The following RAB38 variants were observed in gnomAD, a reference collection of about 807,000 sequenced individuals.
RAB38 encodes the protein ras-related protein Rab-38.
Under a neutral mutation model 18.4 loss-of-function variants are expected in RAB38, and 15 were observed. That is an observed-to-expected ratio of 0.82 (90% CI 0.55 to 1.26). The LOEUF (loss-of-function observed/expected upper bound fraction) is 1.26. RAB38 is among the 50% of genes most tolerant of loss of function. The pLI is 0.00. For missense variants in RAB38, 294 were observed against 267.4 expected, an observed-to-expected ratio of 1.10 and a Z score of -0.69; for synonymous variants, 101 against 104.4, an observed-to-expected ratio of 0.97 and a Z score of 0.20.
chr11:88,041,618 A>T, the RAB38 span, among the ~76,000 whole-genome samples: 1 of 152,226 alleles, frequency 6.6e-6, no homozygotes, highest in Non-Finnish European at 1.5e-5. Flanking sequence ...TGCATAGATC[A>T]GTTGGTTGTT....
the RAB38 span, among the ~76,000 whole-genome samples, chr11:87,825,668 CACAACTCAGTCTATA>C: frequency 6.6e-6 from 1 of 152,018 alleles, no homozygotes; most frequent in Non-Finnish European, 1.5e-5. Flanking sequence ...TTTTGGTGAA[CACAACTCAGTCTATA>C]ACAAAGGCCT....
chr11:87,939,229 T>C, the RAB38 span, among the ~76,000 whole-genome samples: 1 of 152,134 alleles, frequency 6.6e-6, no homozygotes, highest in Non-Finnish European at 1.5e-5. Flanking sequence ...CATTGGTGTC[T>C]CTTCAATTAT....
the RAB38 span, among the ~76,000 whole-genome samples, chr11:88,085,666 C>T: frequency 0.03 from 4,495 of 151,874 alleles, 164 homozygotes; most frequent in East Asian, 0.1. Context: ...GGCTAAATTC[C>T]CTGATCACTT....
At chr11:88,071,688 C>T in the RAB38 span, among the ~76,000 whole-genome samples, 13 of 152,054 alleles carry the variant, frequency 8.5e-5, no homozygotes, top group African/African-American at 2.9e-4. Context: ...ACAAGCCAAG[C>T]GGCAAGTAAT....
intron 2 of RAB38, among the ~76,000 whole-genome samples, chr11:88,142,533 T>C (rs1481383145): frequency 1.3e-5 from 2 of 152,078 alleles, no homozygotes; most frequent in Admixed American, 6.5e-5. Context: ...TGTAGAAAAA[T>C]GTATTGGAGT....
chr11:87,930,904 G>C, the RAB38 span, among the ~76,000 whole-genome samples: 1 of 152,084 alleles, frequency 6.6e-6, no homozygotes, highest in Non-Finnish European at 1.5e-5. Context: ...TGAGGGCTCT[G>C]TTCTGTTCCA....
chr11:87,867,328 A>G, the RAB38 span, among the ~76,000 whole-genome samples: 49 of 151,846 alleles, frequency 3.2e-4, no homozygotes, highest in African/African-American at 1.1e-3. Flanking sequence ...TTTTAATCTC[A>G]GTGTTTAGAT....
chr11:87,841,262 C>T, the RAB38 span, among the ~76,000 whole-genome samples: 24 of 152,142 alleles, frequency 1.6e-4, no homozygotes, highest in African/African-American at 4.1e-4. Flanking sequence ...AATCATGAGG[C>T]GGTTACCCAC....
the RAB38 span, among the ~76,000 whole-genome samples, chr11:88,017,845 A>G: frequency 1.4e-4 from 22 of 151,840 alleles, no homozygotes; most frequent in Admixed American, 2.0e-4. Context: ...CTTGAATCAT[A>G]GCCCTGGTAA....
the RAB38 span, among the ~76,000 whole-genome samples, chr11:88,023,894 T>C: frequency 1.3e-5 from 2 of 152,116 alleles, no homozygotes; most frequent in Non-Finnish European, 2.9e-5. Flanking sequence ...AAAAATCAAA[T>C]CAAAATGAAT....
chr11:87,947,165 GT>G, the RAB38 span, among the ~76,000 whole-genome samples: 2 of 152,138 alleles, frequency 1.3e-5, no homozygotes, highest in Non-Finnish European at 2.9e-5. Context: ...TTTTTCATGT[GT>G]TTTTTGGCTG....
the RAB38 span, among the ~76,000 whole-genome samples, chr11:87,905,525 A>G: frequency 6.6e-6 from 1 of 151,868 alleles, no homozygotes; most frequent in African/African-American, 2.4e-5. Flanking sequence ...GCTTTTTTAT[A>G]TTAAGAATTG....
At position 88,119,900 on chromosome 11, in the gene RAB38, A is replaced by C. The variant is rs547107986; in HGVS notation, c.484-5760T>G. 2.0e-5 allele frequency among the ~76,000 whole-genome samples: 3 copies of C among 152,314 alleles called. No homozygotes were observed. In the East Asian group the frequency reaches 5.8e-4, roughly 29 times the overall value. On this transcript the variant is annotated intron_variant, in intron 2 of 2. Coordinates refer to ENST00000243662, the MANE Select transcript of RAB38 (RefSeq NM_022337.3). Reference sequence around the variant, plus strand: ...CTGTACAAAAAGTATTACACAAAACAGGGGTTTAAAAATCCTTTCTCTGAG... The same window carrying C: ...CTGTACAAAAAGTATTACACAAAACCGGGGTTTAAAAATCCTTTCTCTGAG...
In RAB38 at chr11:88,152,468, T is replaced by C. The variant is rs192113736; in HGVS notation, c.203-2513A>G. Reference sequence around the variant, plus strand: ...GTGTGTGTTTGAGTTTGTGAATGTATGTGTGTCAGATCAGAAATAAGAAGA... The same window carrying C: ...GTGTGTGTTTGAGTTTGTGAATGTACGTGTGTCAGATCAGAAATAAGAAGA... On this transcript the variant is annotated intron_variant, in intron 1 of 2. Coordinates refer to ENST00000243662, the MANE Select transcript of RAB38 (RefSeq NM_022337.3). Among the ~76,000 whole-genome samples, 43 of 152,354 alleles carry C rather than the reference T, an allele frequency of 2.8e-4. No homozygotes were observed. The East Asian group carries it at 7.1e-3, about 25-fold the overall frequency.
chr11:88,052,298 T>A, the RAB38 span, among the ~76,000 whole-genome samples: 1 of 152,174 alleles, frequency 6.6e-6, no homozygotes, highest in East Asian at 1.9e-4. Flanking sequence ...CTCAGAGATC[T>A]ATAGGTCAAA....
chr11:88,056,208 G>A, the RAB38 span, among the ~76,000 whole-genome samples: 1 of 152,110 alleles, frequency 6.6e-6, no homozygotes, highest in Admixed American at 6.5e-5. Context: ...AACCAATCAA[G>A]CCTACTTTAT....
the RAB38 span, among the ~76,000 whole-genome samples, chr11:88,025,998 CT>C: frequency 1.3e-5 from 2 of 151,912 alleles, no homozygotes; most frequent in Non-Finnish European, 2.9e-5. Context: ...TGGAGTCTCG[CT>C]GTGTCGCCAG....
the RAB38 span, among the ~76,000 whole-genome samples, chr11:88,006,775 CAAT>C: frequency 6.6e-6 from 1 of 151,140 alleles, no homozygotes; most frequent in African/African-American, 2.4e-5. Flanking sequence ...CACATGATCT[CAAT>C]AATATGTGGA....
At chr11:88,166,748 T>C (rs560204391) in intron 1 of RAB38, 295 of 152,248 alleles carry the variant, frequency 1.9e-3, no homozygotes, top group Middle Eastern at 6.8e-3. Flanking sequence ...TTTCCCAGTT[T>C]TCATGGTTGG....
Sources: gnomAD v4.1 joint callset for allele counts (sites outside exome capture counted in the v4.1 genomes callset) on GRCh38, gnomAD v4.1.1 for gene constraint, MANE v1.5 for transcripts, NCBI Gene and HGNC (gene_info 2026-07-23, HGNC 2026-07-21) for gene names.